Variants in RCAN2 observed in about 807,000 individuals in gnomAD.
RCAN2 encodes calcipressin-2.
In RCAN2, 9 loss-of-function variants were observed where a neutral mutation model predicts 23.6. The ratio of observed to expected loss-of-function variants is 0.38; its 90% CI spans 0.23 to 0.67. RCAN2 has a LOEUF of 0.67. Ranked by LOEUF, RCAN2 falls within the 30% of genes least tolerant of loss-of-function variation. The pLI is 0.51. For synonymous variants in RCAN2, 109 were observed against 115.7 expected (o/e 0.94, Z 0.37); for missense variants, 273 against 302.3 (o/e 0.90, Z 0.72).
At chr6:46,324,843 C>A (rs190398872) in intron 2 of RCAN2, among the ~76,000 whole-genome samples, 48 of 152,280 alleles carry the variant, frequency 3.2e-4, no homozygotes, top group Non-Finnish European at 5.7e-4. Flanking sequence ...CTTTCTTTGC[C>A]TGACAAAGAA....
intron 4 of RCAN2, among the ~76,000 whole-genome samples, chr6:46,223,953 A>G (rs1166919513): frequency 6.6e-6 from 1 of 152,190 alleles, no homozygotes; most frequent in African/African-American, 2.4e-5. Context: ...TTTCTTGAGC[A>G]TCTCTCGTGG....
intron 2 of RCAN2, among the ~76,000 whole-genome samples, chr6:46,273,075 GT>G (rs1464325775): frequency 6.6e-6 from 1 of 152,144 alleles, no homozygotes; most frequent in East Asian, 1.9e-4. Context: ...GTCTGTGTTT[GT>G]TTTTGTTTTA....
chr6:46,422,855 G>T (rs1766920890), intron 2 of RCAN2, among the ~76,000 whole-genome samples: 1 of 152,212 alleles, frequency 6.6e-6, no homozygotes, highest in Non-Finnish European at 1.5e-5. Flanking sequence ...ATGAATAACA[G>T]AAATGTTAGC....
At chr6:46,299,777 T>C (rs1762843887) in intron 2 of RCAN2, among the ~76,000 whole-genome samples, 1 of 151,940 alleles carries the variant, frequency 6.6e-6, no homozygotes, top group Non-Finnish European at 1.5e-5. Context: ...ATTGAATGAG[T>C]CAATAAATAT....
At chr6:46,227,020 C>T (rs1265837270) in intron 4 of RCAN2, among the ~76,000 whole-genome samples, 1 of 152,078 alleles carries the variant, frequency 6.6e-6, no homozygotes, top group Non-Finnish European at 1.5e-5. Context: ...TTGTCAAAGG[C>T]CTTTTCTGCA....
intron 4 of RCAN2, among the ~76,000 whole-genome samples, chr6:46,242,747 C>A (rs1430355582): frequency 6.6e-6 from 1 of 152,152 alleles, no homozygotes; most frequent in Non-Finnish European, 1.5e-5. Flanking sequence ...TGCTAGAAGT[C>A]CTCTAATTAT....
At chr6:46,275,623 A>G (rs1767670655) in intron 2 of RCAN2, among the ~76,000 whole-genome samples, 1 of 152,202 alleles carries the variant, frequency 6.6e-6, no homozygotes, top group South Asian at 2.1e-4. Context: ...GAGAAAGAAA[A>G]GCTATTTGAT....
At chr6:46,324,001 C>T (rs1305465264) in intron 2 of RCAN2, among the ~76,000 whole-genome samples, 1 of 152,160 alleles carries the variant, frequency 6.6e-6, no homozygotes, top group African/African-American at 2.4e-5. Context: ...TTTTATTCTC[C>T]ATAGATGGAA....
chr6:46,434,081 A>C (rs1767294853), intron 2 of RCAN2, among the ~76,000 whole-genome samples: 1 of 152,034 alleles, frequency 6.6e-6, no homozygotes, highest in Non-Finnish European at 1.5e-5. Flanking sequence ...TTTAAAATTT[A>C]CTCCCTCTGA....
At chr6:46,359,824 A>G (rs1321463039) in intron 2 of RCAN2, among the ~76,000 whole-genome samples, 1 of 152,202 alleles carries the variant, frequency 6.6e-6, no homozygotes, top group Non-Finnish European at 1.5e-5. Flanking sequence ...TTTCACCAAA[A>G]AAAAAGTTTG....
chr6:46,356,099 G>A (rs1281066267), intron 2 of RCAN2, among the ~76,000 whole-genome samples: 2 of 152,134 alleles, frequency 1.3e-5, no homozygotes, highest in East Asian at 3.9e-4. Context: ...AGACTCATGT[G>A]GTGAACTTAC....
intron 1 of RCAN2, among the ~76,000 whole-genome samples, chr6:46,473,485 A>G (rs1460582829): frequency 6.6e-6 from 1 of 152,180 alleles, no homozygotes; most frequent in Non-Finnish European, 1.5e-5. Flanking sequence ...TTACCTATAA[A>G]TCACCAATAA....
chr6:46,292,613 A>G (rs1357092988), intron 2 of RCAN2, among the ~76,000 whole-genome samples: 2 of 152,060 alleles, frequency 1.3e-5, no homozygotes, highest in Non-Finnish European at 2.9e-5. Flanking sequence ...TAGGTAATAG[A>G]AAAATTTATT....
At chr6:46,468,716 A>C in intron 1 of RCAN2, 1 of 651,276 alleles carries the variant, frequency 1.5e-6, no homozygotes, top group Non-Finnish European at 1.9e-6. Context: ...ATGGAATGTA[A>C]TACCCTCAGA....
intron 2 of RCAN2, among the ~76,000 whole-genome samples, chr6:46,374,238 T>C (rs2150390370): frequency 6.6e-6 from 1 of 152,342 alleles, no homozygotes; most frequent in East Asian, 1.9e-4. Context: ...ATTTTTCACA[T>C]GCAATACCTC....
chr6:46,479,926 C>G (rs1397230133), intron 1 of RCAN2, among the ~76,000 whole-genome samples: 1 of 152,120 alleles, frequency 6.6e-6, no homozygotes, highest in Non-Finnish European at 1.5e-5. Flanking sequence ...GACCAGTGTG[C>G]CATGCAGTCA....
At chr6:46,446,997 T>A (rs1454697052) in intron 2 of RCAN2, among the ~76,000 whole-genome samples, 1 of 152,074 alleles carries the variant, frequency 6.6e-6, no homozygotes, top group African/African-American at 2.4e-5. Flanking sequence ...ATCAATTAAT[T>A]CTTTGAGTGT....
At chr6:46,246,360 A>G (rs1766512691) in intron 4 of RCAN2, among the ~76,000 whole-genome samples, 1 of 152,164 alleles carries the variant, frequency 6.6e-6, no homozygotes, top group Admixed American at 6.5e-5. Context: ...TGTGACAGCA[A>G]TAAAACTGGG....
intron 2 of RCAN2, among the ~76,000 whole-genome samples, chr6:46,263,467 G>GTA (rs1283152291): frequency 1.5e-5 from 1 of 68,226 alleles, no homozygotes; most frequent in African/African-American, 4.3e-5. Flanking sequence ...GTGTGTGTGT[G>GTA]TGTGTGTATG....
Sources: gnomAD v4.1 joint callset for allele counts (sites outside exome capture counted in the v4.1 genomes callset) on GRCh38, gnomAD v4.1.1 for gene constraint, MANE v1.5 for transcripts, NCBI Gene and HGNC (gene_info 2026-07-23, HGNC 2026-07-21) for gene names.